DTNA: variants seen among roughly 807,000 people sequenced by gnomAD.
The protein encoded by DTNA is dystrophin-related protein 3.
A neutral mutation model predicts 100.7 loss-of-function variants in DTNA; 43 were observed. The observed-to-expected ratio is 0.43, with a 90% CI of 0.33 to 0.55. The LOEUF (loss-of-function observed/expected upper bound fraction) is 0.55. DTNA is among the 20% of genes least tolerant of loss of function. DTNA has a pLI of 0.04. For missense variants in DTNA, 798 were observed against 953.9 expected (o/e 0.84, Z 2.15); for synonymous variants, 349 against 347.9 (o/e 1.00, Z -0.04).
chr18:34,805,420 G>C (rs905627132), intron 4 of DTNA, among the ~76,000 whole-genome samples: 1 of 152,094 alleles, frequency 6.6e-6, no homozygotes, highest in East Asian at 1.9e-4. Flanking sequence ...CACCTCCCGG[G>C]TTCAAGCGAT....
intron 4 of DTNA, among the ~76,000 whole-genome samples, chr18:34,795,228 G>A (rs1359264827): frequency 6.6e-6 from 1 of 152,186 alleles, no homozygotes; most frequent in East Asian, 1.9e-4. Context: ...CCCCGCAGTG[G>A]AGATGTTCCA....
chr18:34,873,289 C>T (rs2096783174), intron 17 of DTNA, among the ~76,000 whole-genome samples: 1 of 152,216 alleles, frequency 6.6e-6, no homozygotes, highest in South Asian at 2.1e-4. Flanking sequence ...CCAAGAGAAT[C>T]CTACTTCTTA....
At chr18:34,717,701 A>G (rs1479671390) in intron 1 of DTNA, among the ~76,000 whole-genome samples, 1 of 152,150 alleles carries the variant, frequency 6.6e-6, no homozygotes, top group Non-Finnish European at 1.5e-5. Context: ...TGCAGAGCAG[A>G]TATTACAGAG....
chr18:34,634,918 A>G (rs1277267136), intron 1 of DTNA, among the ~76,000 whole-genome samples: 1 of 152,154 alleles, frequency 6.6e-6, no homozygotes, highest in African/African-American at 2.4e-5. Flanking sequence ...ACTCACCATT[A>G]TTCTTGCATC....
intron 3 of DTNA, among the ~76,000 whole-genome samples, chr18:34,769,401 A>G (rs2093646572): frequency 6.6e-6 from 1 of 152,228 alleles, no homozygotes; most frequent in Non-Finnish European, 1.5e-5. Context: ...AAGTAATTTT[A>G]GTCTGCAATA....
chr18:34,885,608 A>G (rs1313394211), intron 22 of DTNA, among the ~76,000 whole-genome samples: 1 of 152,248 alleles, frequency 6.6e-6, no homozygotes, highest in Non-Finnish European at 1.5e-5. Flanking sequence ...CATATTGCAT[A>G]ATAGCCTCAT....
At chr18:34,538,369 T>C (rs532301947) in intron 1 of DTNA, among the ~76,000 whole-genome samples, 33 of 152,164 alleles carry the variant, frequency 2.2e-4, no homozygotes, top group Admixed American at 5.9e-4. Context: ...ACAAAGACCA[T>C]GCAATCACAG....
upstream of DTNA, among the ~76,000 whole-genome samples, chr18:34,708,662 T>C (rs921252218): frequency 6.6e-5 from 10 of 152,198 alleles, no homozygotes; most frequent in African/African-American, 2.2e-4. Context: ...TAAACCTATG[T>C]TAGGAAACAT....
rs188198454 is a variant in DTNA, at chr18:34,518,433, A to G, written c.-2+24919A>G. 3.7e-3 allele frequency among the ~76,000 whole-genome samples: 563 copies of G among 152,190 alleles called. 6 individuals carry two copies. The highest frequency in any genetic ancestry group is 0.013 in the African/African-American group (539 of 41,568). On this transcript the variant is annotated intron_variant, in intron 1 of 19. Coordinates refer to the DTNA transcript ENST00000283365. The stretch of plus-strand genomic sequence containing the variant: ...AATAGTTTTGATTTTGATGAGGACC[A>G]TTTGATAATAATCCATTTTTATTTT...
At chr18:34,649,701 A>G (rs1409958273) in intron 1 of DTNA, among the ~76,000 whole-genome samples, 2 of 152,146 alleles carry the variant, frequency 1.3e-5, no homozygotes, top group Non-Finnish European at 2.9e-5. Context: ...TTTCATGTCT[A>G]TTGGGATATC....
chr18:34,617,783 C>T (rs988006232), intron 1 of DTNA, among the ~76,000 whole-genome samples: 8 of 152,068 alleles, frequency 5.3e-5, no homozygotes, highest in African/African-American at 1.9e-4. Context: ...ATTTTTTAGA[C>T]ATAATGCTAT....
chr18:34,594,958 T>C (rs922541292), intron 1 of DTNA, among the ~76,000 whole-genome samples: 2 of 152,248 alleles, frequency 1.3e-5, no homozygotes, highest in African/African-American at 4.8e-5. Context: ...CCCAGTAATA[T>C]TTGCTTTTCA....
At chr18:34,501,469 G>C (rs1404190675) in intron 1 of DTNA, among the ~76,000 whole-genome samples, 1 of 152,122 alleles carries the variant, frequency 6.6e-6, no homozygotes, top group Non-Finnish European at 1.5e-5. Flanking sequence ...GATAATACTA[G>C]CTTTATAAAA....
At chr18:34,665,429 A>T (rs928925481) in intron 1 of DTNA, among the ~76,000 whole-genome samples, 3 of 151,956 alleles carry the variant, frequency 2.0e-5, no homozygotes, top group East Asian at 3.9e-4. Flanking sequence ...TTATATATAT[A>T]TTTTTTATTA....
chr18:34,685,750 T>C (rs551592334), intron 1 of DTNA, among the ~76,000 whole-genome samples: 1 of 152,360 alleles, frequency 6.6e-6, no homozygotes, highest in East Asian at 1.9e-4. Context: ...TTTCACAATA[T>C]TGATTCTTCC....
At chr18:34,828,778 C>T (rs905862969) in intron 10 of DTNA, among the ~76,000 whole-genome samples, 3 of 152,142 alleles carry the variant, frequency 2.0e-5, no homozygotes, top group African/African-American at 7.2e-5. Context: ...AGAACATCCA[C>T]AGTAAAATAA....
intron 1 of DTNA, among the ~76,000 whole-genome samples, chr18:34,702,870 A>G (rs2081572035): frequency 6.6e-6 from 1 of 152,226 alleles, no homozygotes; most frequent in Admixed American, 6.5e-5. Flanking sequence ...TTTTAAAGGT[A>G]ACAATTCATT....
chr18:34,594,228 T>C (rs1364175025), intron 1 of DTNA, among the ~76,000 whole-genome samples: 2 of 151,590 alleles, frequency 1.3e-5, no homozygotes, highest in African/African-American at 4.9e-5. Context: ...AGAGGAAGAG[T>C]TGTCTGATTT....
chr18:34,730,411 C>T (rs1319116601), intron 1 of DTNA, among the ~76,000 whole-genome samples: 1 of 152,154 alleles, frequency 6.6e-6, no homozygotes, highest in Non-Finnish European at 1.5e-5. Flanking sequence ...TGAGAATGGC[C>T]AGCCTGTTCT....
Sources: gnomAD v4.1 joint callset for allele counts (sites outside exome capture counted in the v4.1 genomes callset) on GRCh38, gnomAD v4.1.1 for gene constraint, MANE v1.5 for transcripts, NCBI Gene and HGNC (gene_info 2026-07-23, HGNC 2026-07-21) for gene names.